The following MOG variants were observed in gnomAD, a reference collection of about 807,000 sequenced individuals.
MOG encodes the protein myelin-oligodendrocyte glycoprotein.
MOG carries 20 observed loss-of-function variants against 35.9 expected under a neutral mutation model. The ratio of observed to expected loss-of-function variants is 0.56; its 90% CI spans 0.39 to 0.81. The LOEUF is 0.81. Among genes scored for constraint, MOG ranks in the 30% least tolerant of loss-of-function variants. The probability of loss-of-function intolerance (pLI) is 0.00; values close to 1 mark genes in which losing one functional copy is unlikely to be tolerated. For synonymous variants in MOG, 92 were observed against 114.3 expected, an observed-to-expected ratio of 0.80 and a Z score of 1.25; for missense variants, 251 against 301.0, an observed-to-expected ratio of 0.83 and a Z score of 1.23.
At chr6:29,671,092 C>T in intron 7 of MOG, 80 bp from the exon 8 acceptor site, 2 of 1,612,726 alleles carry the variant, frequency 1.2e-6, no homozygotes, top group Non-Finnish European at 8.5e-7. Flanking sequence ...ACCCCAAGGG[C>T]TTTTCTTCTC....
intron 5 of MOG, among the ~76,000 whole-genome samples, chr6:29,668,409 G>C (rs1770691334): frequency 6.6e-6 from 1 of 152,184 alleles, no homozygotes; most frequent in Non-Finnish European, 1.5e-5. Flanking sequence ...ACTAGGAATT[G>C]ACCCCTCAAG....
rs539483418 is a variant in MOG, at chr6:29,661,874, GC to G, written c.436+2210del. On this transcript the variant is annotated intron_variant, in intron 2 of 7. Transcript: ENST00000376917. Reference sequence around the variant, plus strand: ...AAAAAGAAAAGCAGCTAAAGACTTTGCCTCAGGGGAGAAAGTTCTCTTTTGG... The same window carrying G: ...AAAAAGAAAAGCAGCTAAAGACTTTGCTCAGGGGAGAAAGTTCTCTTTTGG... 1,106 of 982,658 alleles carry G rather than the reference GC, an allele frequency of 1.1e-3. 7 individuals are homozygous for G. The Middle Eastern group carries it at 0.016, about 14-fold the overall frequency. 60.9% of individuals were successfully genotyped at this position (982,658 alleles called of 1,614,324 possible). A position where few individuals can be genotyped will look rare whatever the true frequency, so the allele number is the denominator to read the frequency against.
chr6:29,671,716 C>T lies in MOG; in HGVS notation c.*531C>T. On this transcript the variant is annotated 3_prime_UTR_variant, in exon 8 of 8. Coordinates refer to ENST00000376917, the MANE Select transcript of MOG (RefSeq NM_206809.4). ...AGTGAGGATATGAGTAGCCCCAACC[C>T]AAACCTGGAGATGGGGAGAAACCTA... 1 of 559,612 alleles carries T rather than the reference C, an allele frequency of 1.8e-6. No homozygotes were observed. The highest frequency in any genetic ancestry group is 3.2e-6 in the Non-Finnish European group (1 of 315,248). The allele number at this position is 559,612 out of a possible 1,614,324, so 34.7% of individuals were successfully genotyped here. A position where few individuals can be genotyped will look rare whatever the true frequency, so the allele number is the denominator to read the frequency against.
chr6:29,671,527 T>C lies in MOG; in HGVS notation c.*342T>C, dbSNP rs1422779027. ...ACACAGGATGGTCTCTGCCATGAAC[T>C]GGAGGCCAGGAATCTCCTCACTGAA... On this transcript the variant is annotated 3_prime_UTR_variant, in exon 8 of 8. Coordinates refer to ENST00000376917, the MANE Select transcript of MOG (RefSeq NM_206809.4). The C allele has an allele frequency of 4.0e-5, 40 of 1,004,640 alleles. No homozygotes were observed. The highest frequency in any genetic ancestry group is 3.2e-6 in the Non-Finnish European group (2 of 626,732). 62.2% of individuals were successfully genotyped at this position (1,004,640 alleles called of 1,614,324 possible).
In MOG at chr6:29,661,704, C is replaced by G. The variant is rs1455809513; in HGVS notation, c.436+2038C>G. 4 of 865,768 alleles carry G rather than the reference C, an allele frequency of 4.6e-6. No individual in the cohort carries two copies. The African/African-American group carries it at 5.5e-5, about 12-fold the overall frequency. 53.6% of individuals were successfully genotyped at this position (865,768 alleles called of 1,614,324 possible). On this transcript the variant is annotated intron_variant, in intron 2 of 7. Coordinates refer to ENST00000376917, the MANE Select transcript of MOG (RefSeq NM_206809.4). The stretch of plus-strand genomic sequence containing the variant: ...GCGTGGTGGCGCATTCCTGTAATCC[C>G]AGCTGGGAGGCTGAGGCAGGAGAAT...
In MOG at chr6:29,660,562, G is replaced by GCACACACA. The variant is rs35514085; in HGVS notation, c.436+916_436+923dup. Among the ~76,000 whole-genome samples the GCACACACA allele has an allele frequency of 5.4e-4, 70 of 129,196 alleles. No individual in the cohort carries two copies. The South Asian group carries it at 6.3e-3, about 12-fold the overall frequency. 84.8% of individuals were successfully genotyped at this position (129,196 alleles called of 152,430 possible). The stretch of plus-strand genomic sequence containing the variant: ...AAAAAAAAACCCTGTATTTGTGAGC[G>GCACACACA]CACACACACACACACACACACACAC... On this transcript the variant is annotated intron_variant, in intron 2 of 7. Transcript: ENST00000376917.
chr6:29,663,333 A>G (rs957467845), intron 2 of MOG, among the ~76,000 whole-genome samples: 2 of 151,742 alleles, frequency 1.3e-5, no homozygotes. Context: ...TAACCACAAT[A>G]CTATTATCAC....
rs2127538373 is a variant in MOG, at chr6:29,670,598, G to C, written c.710-103G>C. On this transcript the variant is annotated intron_variant, in intron 6 of 7. Coordinates refer to ENST00000376917, the MANE Select transcript of MOG (RefSeq NM_206809.4). The surrounding 1 kb of genome is among the most constrained non-coding windows in gnomAD (Gnocchi z 4.2). ...CTTACTGGATCTGTGGGATCCCCCA[G>C]TGGAAAGGGCAGTGTGGGTCACTCC... 1.9e-6 allele frequency: 3 copies of C among 1,585,438 alleles called. No homozygotes were observed. The highest frequency in any genetic ancestry group is 2.7e-5 in the African/African-American group (2 of 74,776).
At chr6:29,669,400 C>CCTG (rs1363566905) in intron 5 of MOG, among the ~76,000 whole-genome samples, 1 of 151,998 alleles carries the variant, frequency 6.6e-6, no homozygotes, top group Non-Finnish European at 1.5e-5. Context: ...AAGCGATTCT[C>CCTG]CTGCCTCAGC....
At chr6:29,669,726 T>C (rs1053956135) in intron 5 of MOG, among the ~76,000 whole-genome samples, 8 of 152,214 alleles carry the variant, frequency 5.3e-5, no homozygotes, top group African/African-American at 1.7e-4. Context: ...TTGTGGTTAG[T>C]TGTAAAATGT....
chr6:29,671,590 C>T lies in MOG; in HGVS notation c.*405C>T. 1 of 738,872 alleles carries T rather than the reference C, an allele frequency of 1.4e-6. No homozygotes were observed. The highest frequency in any genetic ancestry group is 2.4e-6 in the Non-Finnish European group (1 of 411,290). 45.8% of individuals were successfully genotyped at this position (738,872 alleles called of 1,614,324 possible). On this transcript the variant is annotated 3_prime_UTR_variant, in exon 8 of 8. Transcript: ENST00000376917. ...GTAACTTTGCAAATGGTGGTTGTTT[C>T]TTCCAAGACTCCAGCCCTGATTGCG...
intron 2 of MOG, chr6:29,661,548 C>A (rs1768734237): frequency 1.0e-6 from 1 of 985,028 alleles, no homozygotes; most frequent in East Asian, 1.1e-4. Flanking sequence ...AAGCCGGTTG[C>A]GGTGGCTCAC....
At chr6:29,663,871 C>T in intron 2 of MOG, 3 of 830,888 alleles carry the variant, frequency 3.6e-6, no homozygotes, top group South Asian at 1.1e-4. Flanking sequence ...TAGTCTACAG[C>T]TTGAAGGATT....
chr6:29,659,782 TA>T, intron 2 of MOG, 116 bp downstream of exon 2: 1 of 861,660 alleles, frequency 1.2e-6, no homozygotes, highest in Non-Finnish European at 1.9e-6. Flanking sequence ...ATGATTTCCA[TA>T]AAAATGTACA....
intron 5 of MOG, among the ~76,000 whole-genome samples, 185 bp downstream of exon 5, chr6:29,668,109 T>C (rs145733248): frequency 2.1e-4 from 32 of 152,300 alleles, no homozygotes; most frequent in African/African-American, 7.0e-4. Context: ...ACTCATGTAC[T>C]GTTTTTATGT....
chr6:29,657,671 T>C (rs1767448157), intron 1 of MOG, among the ~76,000 whole-genome samples: 3 of 148,174 alleles, frequency 2.0e-5, no homozygotes, highest in Middle Eastern at 6.8e-3. Context: ...TTCTTTTTTT[T>C]TTTTTTTTTT....
chr6:29,664,605 AAT>A (rs1491338928), intron 2 of MOG: 1 of 437,126 alleles, frequency 2.3e-6, no homozygotes, highest in South Asian at 1.6e-5. Flanking sequence ...CCCATCTCAG[AAT>A]TTTTTTTTTT....
At chr6:29,669,533 T>TA (rs1422817842) in intron 5 of MOG, among the ~76,000 whole-genome samples, 1 of 149,188 alleles carries the variant, frequency 6.7e-6, no homozygotes, top group Admixed American at 6.7e-5. Flanking sequence ...TCAGGTGATC[T>TA]GCCTGCCTTG....
rs1771256263 is a variant in MOG, at chr6:29,670,592, C to A, written c.710-109C>A. 1.3e-6 allele frequency: 2 copies of A among 1,579,824 alleles called. No individual in the cohort carries two copies. The highest frequency in any genetic ancestry group is 1.7e-6 in the Non-Finnish European group (2 of 1,161,260). On this transcript the variant is annotated intron_variant, in intron 6 of 7. Transcript: ENST00000376917. The surrounding 1 kb of genome is among the most constrained non-coding windows in gnomAD (Gnocchi z 4.2). ...GAACCACTTACTGGATCTGTGGGAT[C>A]CCCCAGTGGAAAGGGCAGTGTGGGT... is the stretch of plus-strand genomic sequence containing the variant.
Sources: allele counts gnomAD v4.1 joint callset (sites outside exome capture counted in the v4.1 genomes callset), GRCh38; gene constraint gnomAD v4.1.1; non-coding constraint Gnocchi (gnomAD v3.1); transcripts MANE v1.5; gene names NCBI Gene and HGNC (gene_info 2026-07-23, HGNC 2026-07-21).